Variants in ANKFN1 observed in about 807,000 individuals in gnomAD.
ANKFN1 encodes ankyrin repeat and fibronectin type-III domain-containing protein 1.
A neutral mutation model predicts 108.7 loss-of-function variants in ANKFN1; 74 were observed. The ratio of observed to expected loss-of-function variants is 0.68; its 90% CI spans 0.56 to 0.83. ANKFN1 has a LOEUF of 0.83. Among genes scored for constraint, ANKFN1 ranks in the 40% least tolerant of loss-of-function variants. The pLI is 0.00. For synonymous variants in ANKFN1, 547 were observed against 516.2 expected, an observed-to-expected ratio of 1.06 and a Z score of -0.81; for missense variants, 1,505 against 1,382.3, an observed-to-expected ratio of 1.09 and a Z score of -1.41.
chr17:56,479,324 C>T (rs1182892382), intron 16 of ANKFN1, among the ~76,000 whole-genome samples: 1 of 152,266 alleles, frequency 6.6e-6, no homozygotes, highest in South Asian at 2.1e-4. Context: ...TGATTACAAA[C>T]GCTATGTTAG....
intron 3 of ANKFN1, among the ~76,000 whole-genome samples, chr17:56,233,199 C>A (rs1191964052): frequency 6.6e-6 from 1 of 151,878 alleles, no homozygotes; most frequent in Non-Finnish European, 1.5e-5. Flanking sequence ...GCTAATAGAG[C>A]CACCCAATCC....
intron 4 of ANKFN1, among the ~76,000 whole-genome samples, chr17:56,336,554 C>T (rs565914342): frequency 1.2e-4 from 18 of 152,148 alleles, no homozygotes; most frequent in East Asian, 3.9e-4. Context: ...TCTGTGGGAT[C>T]GGTGGTGATA....
intron 1 of ANKFN1, among the ~76,000 whole-genome samples, chr17:56,190,754 T>C (rs1912829900): frequency 6.9e-6 from 1 of 145,676 alleles, no homozygotes; most frequent in Non-Finnish European, 1.5e-5. Context: ...CTGAGTTCAA[T>C]TCCTGGGTAT....
At chr17:56,056,818 T>A (rs79013814) in intron 4 of ANKFN1, among the ~76,000 whole-genome samples, 140 of 152,328 alleles carry the variant, frequency 9.2e-4, no homozygotes, top group African/African-American at 3.3e-3. Flanking sequence ...TGAAAATAGA[T>A]AAATTGGCAA....
At position 56,511,537 on chromosome 17, in the gene ANKFN1, CACCCTGTTGGTGGCACCTA is replaced by C. The variant is rs947204722; in HGVS notation, c.*269_*287del. 26 of 424,730 alleles carry C rather than the reference CACCCTGTTGGTGGCACCTA, an allele frequency of 6.1e-5. No individual in the cohort carries two copies. In the South Asian group the frequency reaches 9.7e-4, roughly 16 times the overall value. 26.3% of individuals were successfully genotyped at this position (424,730 alleles called of 1,614,324 possible). The stretch of plus-strand genomic sequence containing the variant: ...ACGACATACAGTGACTCAAACATGC[CACCCTGTTGGTGGCACCTA>C]TGACTGAAGCTGGCCATCCCAAAGA... On this transcript the variant is annotated 3_prime_UTR_variant, in exon 21 of 21. Transcript: ENST00000682825.
Position 56,398,011 on chromosome 17 carries a change from T to C in ANKFN1, c.910+23297T>C, listed in dbSNP as rs972882842. 5.9e-5 allele frequency among the ~76,000 whole-genome samples: 9 copies of C among 152,164 alleles called. No homozygotes were observed. The South Asian group carries it at 1.9e-3, about 32-fold the overall frequency. Reference sequence around the variant, plus strand: ...AGGTGGCAGTAGGGGGTTTCCCAGATTCCGTTTTCTAAATTAGGTCTTCCT... The same window carrying C: ...AGGTGGCAGTAGGGGGTTTCCCAGACTCCGTTTTCTAAATTAGGTCTTCCT... On this transcript the variant is annotated intron_variant, in intron 8 of 20. Coordinates refer to ENST00000682825, the MANE Select transcript of ANKFN1 (RefSeq NM_001370326.1).
At chr17:56,260,497 T>C (rs2043482869) in intron 3 of ANKFN1, among the ~76,000 whole-genome samples, 1 of 152,084 alleles carries the variant, frequency 6.6e-6, no homozygotes, top group Non-Finnish European at 1.5e-5. Context: ...TAACATCTCC[T>C]TTAAAAGGAG....
intron 15 of ANKFN1, among the ~76,000 whole-genome samples, chr17:56,467,783 G>A (rs1259031875): frequency 0.01 from 238 of 22,920 alleles, 4 homozygotes; most frequent in African/African-American, 0.018. Flanking sequence ...AAGAAAGAAA[G>A]AAAGAAAGAA....
At chr17:56,304,735 A>C (rs2077516853) in intron 3 of ANKFN1, among the ~76,000 whole-genome samples, 1 of 152,108 alleles carries the variant, frequency 6.6e-6, no homozygotes, top group South Asian at 2.1e-4. Context: ...CTAATGGCTA[A>C]TGATATTGAA....
intron 19 of ANKFN1, among the ~76,000 whole-genome samples, chr17:56,496,277 A>G (rs562631631): frequency 3.3e-5 from 5 of 152,254 alleles, no homozygotes; most frequent in South Asian, 4.1e-4. Flanking sequence ...TCTACGCTAA[A>G]TCCCTCTATT....
intron 3 of ANKFN1, among the ~76,000 whole-genome samples, chr17:56,249,317 C>T (rs2144046662): frequency 6.6e-6 from 1 of 151,978 alleles, no homozygotes; most frequent in Admixed American, 6.6e-5. Flanking sequence ...GCCTGTAATC[C>T]CAGATACTTG....
chr17:56,480,375 A>G (rs552428222), intron 16 of ANKFN1, among the ~76,000 whole-genome samples: 1 of 152,318 alleles, frequency 6.6e-6, no homozygotes, highest in Admixed American at 6.5e-5. Context: ...AAATGAAGAC[A>G]GTCAGGAAAT....
intron 1 of ANKFN1, 37 bp downstream of exon 1, chr17:56,153,567 G>C (rs764033206): frequency 6.2e-7 from 1 of 1,612,068 alleles, no homozygotes; most frequent in Non-Finnish European, 8.5e-7. Context: ...GGTAATTGGT[G>C]TTTGGAGGCC....
chr17:56,071,614 C>T (rs560619599), intron 4 of ANKFN1, among the ~76,000 whole-genome samples: 4 of 152,272 alleles, frequency 2.6e-5, no homozygotes, highest in East Asian at 1.9e-4. Context: ...AAGGTGGCTT[C>T]TTGTTTTTTG....
intron 3 of ANKFN1, among the ~76,000 whole-genome samples, chr17:56,305,584 C>T (rs2044797569): frequency 6.6e-6 from 1 of 152,120 alleles, no homozygotes; most frequent in South Asian, 2.1e-4. Context: ...TATTTTTGCT[C>T]ACTCTGTAGC....
Position 56,153,497 on chromosome 17 carries a change from TC to T in ANKFN1, c.-102del, listed in dbSNP as rs1908799219. The T allele has an allele frequency of 6.2e-7, 1 of 1,613,932 alleles. No individual in the cohort carries two copies. Among genetic ancestry groups the T allele is most frequent in the African/African-American group, 1.3e-5 (1 of 74,924 alleles). ...GTCCTCTTTCAACTCAAGAGCTCAG[TC>T]CTGTGTCTCTCATGGAGGCGTCTCT... is the stretch of plus-strand genomic sequence containing the variant. On this transcript the variant is annotated 5_prime_UTR_variant, in exon 1 of 21. Transcript: ENST00000682825.
At chr17:56,356,882 A>G (rs1378361887) in intron 6 of ANKFN1, among the ~76,000 whole-genome samples, 4 of 152,164 alleles carry the variant, frequency 2.6e-5, no homozygotes, top group African/African-American at 9.7e-5. Flanking sequence ...TGGATGAAAC[A>G]TTAGTCCTAC....
chr17:56,117,091 A>AT (rs1407044050), intron 4 of ANKFN1, among the ~76,000 whole-genome samples: 4 of 151,890 alleles, frequency 2.6e-5, no homozygotes, highest in Non-Finnish European at 5.9e-5. Flanking sequence ...TATTTTCCTT[A>AT]TTTTTTTCTT....
At chr17:56,461,232 T>C (rs2049892354) in intron 14 of ANKFN1, among the ~76,000 whole-genome samples, 1 of 152,196 alleles carries the variant, frequency 6.6e-6, no homozygotes, top group African/African-American at 2.4e-5. Context: ...AGATTCACTT[T>C]TATACCTAGT....
Sources: gnomAD v4.1 joint callset for allele counts (sites outside exome capture counted in the v4.1 genomes callset) on GRCh38, gnomAD v4.1.1 for gene constraint, MANE v1.5 for transcripts, NCBI Gene and HGNC (gene_info 2026-07-23, HGNC 2026-07-21) for gene names.